Variants in GDPD3 observed in about 807,000 individuals in gnomAD.
GDPD3 encodes the protein lysophospholipase D GDPD3.
In GDPD3, 40 loss-of-function variants were observed where a neutral mutation model predicts 43.7. The observed-to-expected ratio is 0.91, with a 90% CI of 0.71 to 1.19. The LOEUF (loss-of-function observed/expected upper bound fraction) is 1.19. GDPD3 is among the 50% of genes most tolerant of loss of function. The probability of loss-of-function intolerance (pLI) is 0.00; values close to 1 mark genes in which losing one functional copy is unlikely to be tolerated. For missense variants in GDPD3, 363 were observed against 415.8 expected, an observed-to-expected ratio of 0.87 and a Z score of 1.11; for synonymous variants, 145 against 162.9, an observed-to-expected ratio of 0.89 and a Z score of 0.84.
In GDPD3 at chr16:30,108,232, A is replaced by T; in HGVS notation, c.800T>A (p.Leu267Ter). 1 of 1,607,240 alleles carries T rather than the reference A, an allele frequency of 6.2e-7. No homozygotes were observed. Among genetic ancestry groups the T allele is most frequent in the Non-Finnish European group, 8.5e-7 (1 of 1,175,874 alleles). The change falls in exon 9 of 10, where the codon TTG becomes TAG. Residue 267 changes from leucine (L) to a stop codon, truncating the protein, a stop_gained. Coordinates refer to ENST00000406256, the MANE Select transcript of GDPD3 (RefSeq NM_024307.3). LOFTEE classifies it high-confidence loss of function. Reference sequence around the variant, plus strand: ...CCTCACCTGCACCCCTCGCTCCTCCAAGTGTCGGATCAGACTCTTCCTCAT... The same window carrying T: ...CCTCACCTGCACCCCTCGCTCCTCCTAGTGTCGGATCAGACTCTTCCTCAT... Reference protein sequence around the residue: ...LIMRKSLIRHLEERGVQVVFW... With the variant: ...LIMRKSLIRH
intron 7 of GDPD3, 160 bp downstream of exon 7, chr16:30,111,228 T>C: frequency 1.3e-6 from 1 of 776,558 alleles, no homozygotes; most frequent in Non-Finnish European, 2.1e-6. Context: ...GTGTTCACAG[T>C]TCCCTTAGTA....
At chr16:30,110,872 A>AAAAAAAAAAAAAAAAT (rs2072893861) in intron 7 of GDPD3, 1 of 152,084 alleles carries the variant, frequency 6.6e-6, no homozygotes, top group Non-Finnish European at 1.5e-5. Context: ...AAAAAAAAAA[A>AAAAAAAAAAAAAAAAT]AAAATTGTAA....
intron 7 of GDPD3, among the ~76,000 whole-genome samples, chr16:30,109,039 C>T (rs1315098334): frequency 1.3e-5 from 2 of 152,140 alleles, no homozygotes; most frequent in South Asian, 2.1e-4. Flanking sequence ...ACCCTGTTAG[C>T]CAGGATGGTC....
rs755187201 is a variant in GDPD3 at position 30,112,306 on chromosome 16, C to T, written c.483G>A (p.Glu161=). Residue 161 remains glutamate, a splice_region_variant and synonymous_variant, in exon 5 of 10, where the codon GAG becomes GAA. Coordinates refer to ENST00000406256, the MANE Select transcript of GDPD3 (RefSeq NM_024307.3). This position sits in a 1 kb window ranked among gnomAD's most constrained non-coding sequence, Gnocchi z 5.4. Reference sequence around the variant, plus strand: ...GCCCTAGCCCTGCCTGCAGCACCACCTCACGGATGAGCTCTTCGTTCTTCC... The same window carrying T: ...GCCCTAGCCCTGCCTGCAGCACCACTTCACGGATGAGCTCTTCGTTCTTCC... The part of the protein sequence containing the change: ...IKGKNEELIR[E]IAGLVRRYDR... 6.2e-7 allele frequency: 1 copy of T among 1,614,188 alleles called. No individual in the cohort carries two copies. Among genetic ancestry groups the T allele is most frequent in the South Asian group, 1.1e-5 (1 of 91,086 alleles).
At chr16:30,105,547 C>T (rs903895164) in intron 9 of GDPD3, among the ~76,000 whole-genome samples, 10 of 150,892 alleles carry the variant, frequency 6.6e-5, no homozygotes, top group African/African-American at 9.7e-5. Flanking sequence ...GTTTGTCACC[C>T]GGGCTGGAGT....
rs2072909563 is a variant in GDPD3, at chr16:30,112,496, G to C, written c.364+27C>G. 6.2e-7 allele frequency: 1 copy of C among 1,614,100 alleles called. No homozygotes were observed. Among genetic ancestry groups the C allele is most frequent in the Admixed American group, 1.7e-5 (1 of 60,022 alleles). On this transcript the variant is annotated intron_variant, in intron 4 of 9. Transcript: ENST00000406256. The surrounding 1 kb of genome is among the most constrained non-coding windows in gnomAD (Gnocchi z 5.4). ...GTCCAAGGAAGGCAGGCATGGCCCA[G>C]GCAGGGCTCGAAGCCCTTGCTCTCA... is the stretch of plus-strand genomic sequence containing the variant.
chr16:30,106,420 A>G (rs537923674), intron 9 of GDPD3, among the ~76,000 whole-genome samples: 1 of 152,256 alleles, frequency 6.6e-6, no homozygotes, highest in East Asian at 1.9e-4. Flanking sequence ...ACCACTTAAC[A>G]GCACCACCCT....
In GDPD3 at chr16:30,105,021, G is replaced by A. The variant is rs924119927; in HGVS notation, c.820-12C>T. On this transcript the variant is annotated splice_polypyrimidine_tract_variant and intron_variant, in intron 9 of 9. Transcript: ENST00000406256. ...CACCAAAAGACCACCTGAGCAGGGA[G>A]GGAGGGGGCCTGTAGATTCTGAACA... 6.3e-7 allele frequency: 1 copy of A among 1,595,138 alleles called. No individual in the cohort carries two copies.
intron 7 of GDPD3, 158 bp downstream of exon 7, chr16:30,111,230 C>T: frequency 1.3e-6 from 1 of 782,058 alleles, no homozygotes; most frequent in East Asian, 2.5e-5. Context: ...GTTCACAGTT[C>T]CCTTAGTATT....
At chr16:30,111,896 G>A (rs766973303) in intron 6 of GDPD3, 21 of 575,958 alleles carry the variant, frequency 3.6e-5, no homozygotes, top group Non-Finnish European at 5.3e-5. Context: ...TCGCACCACC[G>A]CACTCCAGCC....
Position 30,112,494 on chromosome 16 carries a change from C to T in GDPD3, c.364+29G>A, listed in dbSNP as rs763866245. The T allele has an allele frequency of 2.5e-6, 4 of 1,614,016 alleles. No individual in the cohort carries two copies. Among genetic ancestry groups the T allele is most frequent in the Non-Finnish European group, 3.4e-6 (4 of 1,179,898 alleles). On this transcript the variant is annotated intron_variant, in intron 4 of 9. Transcript: ENST00000406256. The surrounding 1 kb of genome is among the most constrained non-coding windows in gnomAD (Gnocchi z 5.4). ...AGGTCCAAGGAAGGCAGGCATGGCC[C>T]AGGCAGGGCTCGAAGCCCTTGCTCT...
chr16:30,111,323 G>T, intron 7 of GDPD3, 65 bp downstream of exon 7: 2 of 1,559,864 alleles, frequency 1.3e-6, no homozygotes, highest in East Asian at 2.3e-5. Flanking sequence ...GGAAGATCTG[G>T]GCTCCTTCTC....
In GDPD3 at chr16:30,112,231, G is replaced by A. The variant is rs761084385; in HGVS notation, c.484-10C>T. The A allele has an allele frequency of 4.3e-6, 7 of 1,614,058 alleles. No individual in the cohort carries two copies. In the South Asian group the frequency reaches 7.7e-5, roughly 18 times the overall value. On this transcript the variant is annotated splice_polypyrimidine_tract_variant and intron_variant, in intron 5 of 9. Coordinates refer to ENST00000406256, the MANE Select transcript of GDPD3 (RefSeq NM_024307.3). The surrounding 1 kb of genome is among the most constrained non-coding windows in gnomAD (Gnocchi z 5.4). ...TCACCAAGCCTGCTATCTGGGAGGA[G>A]GAGAAGGAGGTGAAGGGAGAGCCAG...
In GDPD3 at chr16:30,113,078, T is replaced by G; in HGVS notation, c.140-14A>C. On this transcript the variant is annotated splice_polypyrimidine_tract_variant and intron_variant, in intron 1 of 9. Transcript: ENST00000406256. The surrounding 1 kb of genome is among the most constrained non-coding windows in gnomAD (Gnocchi z 5.9). ...GCTCTCCAGATCCTGTGGGGGGCACTGGAGTGGGCCTCTGGGGCTTGGGGT... is the reference window on the plus strand; with the variant it reads ...GCTCTCCAGATCCTGTGGGGGGCACGGGAGTGGGCCTCTGGGGCTTGGGGT... The G allele has an allele frequency of 6.2e-7, 1 of 1,611,874 alleles. No homozygotes were observed. The highest frequency in any genetic ancestry group is 1.3e-5 in the African/African-American group (1 of 74,986).
chr16:30,108,160 C>CG (rs756074835), intron 9 of GDPD3, 53 bp downstream of exon 9: 1 of 1,494,632 alleles, frequency 6.7e-7, no homozygotes, highest in Admixed American at 2.0e-5. Context: ...AGAGTGGGAC[C>CG]GGAACCCTGC....
chr16:30,112,413 G>A lies in GDPD3; in HGVS notation c.376C>T (p.His126Tyr). The A allele has an allele frequency of 6.2e-7, 1 of 1,614,226 alleles. No individual in the cohort carries two copies. Among genetic ancestry groups the A allele is most frequent in the Non-Finnish European group, 8.5e-7 (1 of 1,180,028 alleles). ...CGAACCATGCGCCGGTCTGACCCGT[G>A]AGCAAAGTGGCCTGGGGGTGGTGTG... ...EVYFSPGHFA[H>Y]GSDRRMVRLE... is the part of the protein sequence containing the mutation. Residue 126 changes from histidine (H) to tyrosine (Y), a missense_variant, in exon 5 of 10, where the codon CAC becomes TAC. By Grantham distance (83) the His-to-Tyr change is moderately conservative. Coordinates refer to ENST00000406256, the MANE Select transcript of GDPD3 (RefSeq NM_024307.3). The surrounding 1 kb of genome is among the most constrained non-coding windows in gnomAD (Gnocchi z 5.4).
intron 9 of GDPD3, 31 bp from the exon 10 acceptor site, chr16:30,105,040 C>A: frequency 6.4e-7 from 1 of 1,569,042 alleles, no homozygotes; most frequent in Non-Finnish European, 8.7e-7. Flanking sequence ...CCTGTAGATT[C>A]TGAACAATTT....
intron 8 of GDPD3, 27 bp from the exon 9 acceptor site, chr16:30,108,291 G>GTGA (rs749264033): frequency 1.4e-5 from 23 of 1,612,962 alleles, no homozygotes; most frequent in Admixed American, 6.7e-5. Context: ...GACGTGGGAG[G>GTGA]TGATGATGAG....
chr16:30,105,970 G>T (rs942505598), intron 9 of GDPD3, among the ~76,000 whole-genome samples: 2 of 151,714 alleles, frequency 1.3e-5, no homozygotes, highest in African/African-American at 4.8e-5. Flanking sequence ...AATTAGCTGG[G>T]CGTGGTGGCG....
Sources: allele counts gnomAD v4.1 joint callset (sites outside exome capture counted in the v4.1 genomes callset), GRCh38; gene constraint gnomAD v4.1.1; non-coding constraint Gnocchi (gnomAD v3.1); transcripts MANE v1.5; gene names NCBI Gene and HGNC (gene_info 2026-07-23, HGNC 2026-07-21).